The following KIF13A variants were observed in gnomAD, a reference collection of about 807,000 sequenced individuals.
KIF13A encodes kinesin-like protein KIF13A.
A neutral mutation model predicts 212.2 loss-of-function variants in KIF13A; 79 were observed. The observed-to-expected ratio is 0.37, with a 90% confidence interval of 0.31 to 0.45. The LOEUF (loss-of-function observed/expected upper bound fraction) is 0.45, where lower values mean the gene tolerates loss of function less well. KIF13A is among the 20% of genes least tolerant of loss of function. The pLI, the probability that KIF13A is intolerant of heterozygous loss-of-function variation, is 1.00. For synonymous variants in KIF13A, 789 were observed against 808.6 expected (o/e 0.98, Z 0.41); for missense variants, 1,901 against 2,209.0 (o/e 0.86, Z 2.79).
intron 14 of KIF13A, among the ~76,000 whole-genome samples, chr6:17,827,795 T>C (rs1300290757): frequency 6.6e-6 from 1 of 152,154 alleles, no homozygotes; most frequent in Non-Finnish European, 1.5e-5. Flanking sequence ...GTGCTGGGAT[T>C]ACAGGTGTGA....
rs542760123 is a variant in KIF13A at position 17,856,872 on chromosome 6, C to T, written c.221-750G>A. ...AGACAATTAGACTTATGTTCTCCTT[C>T]CTGTCTTCTTATAGTCCTTAGAACA... On this transcript the variant is annotated intron_variant, in intron 4 of 38. Transcript: ENST00000259711. This position sits in a 1 kb window ranked among gnomAD's most constrained non-coding sequence, Gnocchi z 4.5. Among the ~76,000 whole-genome samples, 2 of 152,260 alleles carry T rather than the reference C, an allele frequency of 1.3e-5. No homozygotes were observed. The highest frequency in any genetic ancestry group is 1.9e-4 in the East Asian group (1 of 5,172).
intron 6 of KIF13A, among the ~76,000 whole-genome samples, chr6:17,853,207 C>T (rs183998029): frequency 2.6e-5 from 4 of 152,202 alleles, no homozygotes; most frequent in Admixed American, 6.5e-5. Context: ...TAGGCTTTAC[C>T]ACCTTTATTT....
chr6:17,970,918 AAG>A (rs1284968770), intron 2 of KIF13A, among the ~76,000 whole-genome samples: 6 of 152,232 alleles, frequency 3.9e-5, no homozygotes, highest in Non-Finnish European at 7.3e-5. Flanking sequence ...AAAAGCAAAT[AAG>A]AGATTTCCAA....
At chr6:17,964,678 G>T (rs937440554) in intron 2 of KIF13A, among the ~76,000 whole-genome samples, 5 of 151,740 alleles carry the variant, frequency 3.3e-5, no homozygotes, top group Non-Finnish European at 7.4e-5. Context: ...ATTTTTTTTT[G>T]AAATAACATA....
intron 2 of KIF13A, chr6:17,950,378 A>T (rs182652017): frequency 1.0e-6 from 1 of 958,358 alleles, no homozygotes; most frequent in East Asian, 1.2e-4. Context: ...GGAAAAGAAG[A>T]TTAAAAATAT....
At chr6:17,944,952 C>T (rs1328965875) in intron 2 of KIF13A, among the ~76,000 whole-genome samples, 1 of 152,004 alleles carries the variant, frequency 6.6e-6, no homozygotes, top group Non-Finnish European at 1.5e-5. Context: ...TTCTAAGCTA[C>T]AAGAAAACAG....
rs1436748009 is a variant in KIF13A, at chr6:17,961,575, T to C, written c.146+25479A>G. On this transcript the variant is annotated intron_variant, in intron 2 of 38. Transcript: ENST00000259711. This position sits in a 1 kb window ranked among gnomAD's most constrained non-coding sequence, Gnocchi z 4.1. ...GACTGTATTTATAGTAGAGATGTTA[T>C]TGAAGATATTGTTCTCTAAATAACA... Among the ~76,000 whole-genome samples the C allele has an allele frequency of 2.0e-5, 3 of 152,220 alleles. No homozygotes were observed. Among genetic ancestry groups the C allele is most frequent in the South Asian group, 2.1e-4 (1 of 4,830 alleles).
Position 17,894,731 on chromosome 6 carries a change from T to C in KIF13A, c.159+3437A>G, listed in dbSNP as rs542412505. Among the ~76,000 whole-genome samples, 9 of 152,320 alleles carry C rather than the reference T, an allele frequency of 5.9e-5. No individual in the cohort carries two copies. The East Asian group carries it at 1.7e-3, about 29-fold the overall frequency. On this transcript the variant is annotated intron_variant, in intron 3 of 38. Coordinates refer to ENST00000259711, the MANE Select transcript of KIF13A (RefSeq NM_022113.6). ...AGGATCCATTCTTTGAGCCGTATGG[T>C]TCTATGAATTTTGACAAATGCATAA...
At chr6:17,935,318 G>C (rs774903823) in intron 2 of KIF13A, among the ~76,000 whole-genome samples, 3 of 152,148 alleles carry the variant, frequency 2.0e-5, no homozygotes, top group Non-Finnish European at 4.4e-5. Context: ...GAGCCCCCAT[G>C]GGATCAGAGA....
intron 2 of KIF13A, among the ~76,000 whole-genome samples, chr6:17,907,870 T>C (rs1053202019): frequency 3.3e-5 from 5 of 152,064 alleles, no homozygotes; most frequent in South Asian, 2.1e-4. Flanking sequence ...TCAGAAGAAA[T>C]TGCCACAGAT....
At chr6:17,796,334 T>A (rs972305446) in intron 23 of KIF13A, among the ~76,000 whole-genome samples, 8 of 69,424 alleles carry the variant, frequency 1.2e-4, no homozygotes, top group Admixed American at 2.6e-4. Flanking sequence ...TTTTTATAAA[T>A]AAAAAAAAAA....
chr6:17,939,223 A>C (rs1253773087), intron 2 of KIF13A, among the ~76,000 whole-genome samples: 6 of 152,190 alleles, frequency 3.9e-5, no homozygotes, highest in Non-Finnish European at 8.8e-5. Context: ...ATAAACAACA[A>C]TGCCTGCAAG....
Position 17,786,981 on chromosome 6 carries a change from C to A in KIF13A, c.3361+795G>T, listed in dbSNP as rs1275919366. ...TATTTCTACTCTAGAATCCAAGTGGCCACTGCTAGCATAAGCAAACTGCAC... is the reference window on the plus strand; with the variant it reads ...TATTTCTACTCTAGAATCCAAGTGGACACTGCTAGCATAAGCAAACTGCAC... On this transcript the variant is annotated intron_variant, in intron 27 of 38. Coordinates refer to ENST00000259711, the MANE Select transcript of KIF13A (RefSeq NM_022113.6). This position sits in a 1 kb window ranked among gnomAD's most constrained non-coding sequence, Gnocchi z 5.4. Among the ~76,000 whole-genome samples the A allele has an allele frequency of 1.3e-5, 2 of 152,122 alleles. No homozygotes were observed. The highest frequency in any genetic ancestry group is 2.9e-5 in the Non-Finnish European group (2 of 68,032).
chr6:17,885,096 T>C (rs1771417323), intron 3 of KIF13A, among the ~76,000 whole-genome samples: 1 of 151,796 alleles, frequency 6.6e-6, no homozygotes, highest in African/African-American at 2.4e-5. Flanking sequence ...TCTCCTGATA[T>C]CAAAGTTGTG....
intron 26 of KIF13A, among the ~76,000 whole-genome samples, chr6:17,788,918 T>G (rs1761296618): frequency 6.6e-6 from 1 of 151,416 alleles, no homozygotes; most frequent in East Asian, 1.9e-4. Context: ...AGAGACGGAG[T>G]TTCACCATGT....
In KIF13A at chr6:17,796,835, G is replaced by A; in HGVS notation, c.2791-15C>T. 1 of 1,463,346 alleles carries A rather than the reference G, an allele frequency of 6.8e-7. No individual in the cohort carries two copies. Among genetic ancestry groups the A allele is most frequent in the Non-Finnish European group, 9.1e-7 (1 of 1,098,460 alleles). 90.6% of individuals were successfully genotyped at this position (1,463,346 alleles called of 1,614,324 possible). A position where few individuals can be genotyped will look rare whatever the true frequency, so the allele number is the denominator to read the frequency against. ...ACCACATAGTCCTGGGATAAGTGGG[G>A]GAAAGCAAAAGAATTATGCTTAAAG... On this transcript the variant is annotated splice_polypyrimidine_tract_variant and intron_variant, in intron 22 of 38. Coordinates refer to ENST00000259711, the MANE Select transcript of KIF13A (RefSeq NM_022113.6).
At chr6:17,894,427 A>G (rs1034248420) in intron 3 of KIF13A, among the ~76,000 whole-genome samples, 1 of 152,154 alleles carries the variant, frequency 6.6e-6, no homozygotes, top group African/African-American at 2.4e-5. Context: ...CTTTTTCTGC[A>G]TCTTACTGAT....
intron 2 of KIF13A, among the ~76,000 whole-genome samples, chr6:17,946,293 C>T (rs1263631441): frequency 2.0e-5 from 3 of 151,960 alleles, no homozygotes; most frequent in Non-Finnish European, 2.9e-5. Context: ...GGGTAAACTT[C>T]GCTATTTTAA....
In KIF13A at chr6:17,849,311, C is replaced by G; in HGVS notation, c.830+66G>C. 8.8e-7 allele frequency: 1 copy of G among 1,139,886 alleles called. No homozygotes were observed. Among genetic ancestry groups the G allele is most frequent in the Middle Eastern group, 2.0e-4 (1 of 5,040 alleles). 70.6% of individuals were successfully genotyped at this position (1,139,886 alleles called of 1,614,324 possible). ...ACCTGTACATCAGAACCATCTGACC[C>G]TCATAATGCAACAAATCCCCTCCAG... On this transcript the variant is annotated intron_variant, in intron 9 of 38. Coordinates refer to ENST00000259711, the MANE Select transcript of KIF13A (RefSeq NM_022113.6). This position sits in a 1 kb window ranked among gnomAD's most constrained non-coding sequence, Gnocchi z 5.7.
Sources: allele counts gnomAD v4.1 joint callset (sites outside exome capture counted in the v4.1 genomes callset), GRCh38; gene constraint gnomAD v4.1.1; non-coding constraint Gnocchi (gnomAD v3.1); transcripts MANE v1.5; gene names NCBI Gene and HGNC (gene_info 2026-07-23, HGNC 2026-07-21).